The following CDH1 variants were observed in gnomAD, a reference collection of about 807,000 sequenced individuals.
The protein encoded by CDH1 is cadherin-1.
CDH1 carries 35 observed loss-of-function variants against 84.5 expected under a neutral mutation model. The ratio of observed to expected loss-of-function variants is 0.41; its 90% CI spans 0.32 to 0.55. The LOEUF (loss-of-function observed/expected upper bound fraction) is 0.55. CDH1 is among the 20% of genes least tolerant of loss of function. CDH1 has a pLI of 0.19. For synonymous variants in CDH1, 417 were observed against 439.0 expected (o/e 0.95, Z 0.63); for missense variants, 994 against 1,126.6 (o/e 0.88, Z 1.68).
intron 8 of CDH1, 67 bp from the exon 9 acceptor site, chr16:68,813,246 C>G (rs1196719403): frequency 6.8e-7 from 1 of 1,473,638 alleles, no homozygotes. Flanking sequence ...AATCCTTTAG[C>G]CCCCTGAGAC....
chr16:68,750,582 TAGG>T (rs1438348082), intron 2 of CDH1, among the ~76,000 whole-genome samples: 1 of 152,004 alleles, frequency 6.6e-6, no homozygotes, highest in Non-Finnish European at 1.5e-5. Context: ...GCTTTGTAAT[TAGG>T]AGAGCTTGTA....
At chr16:68,784,198 A>T (rs1032963431) in intron 2 of CDH1, among the ~76,000 whole-genome samples, 9 of 150,946 alleles carry the variant, frequency 6.0e-5, no homozygotes, top group Admixed American at 4.0e-4. Context: ...AAATCTATAA[A>T]CATGATCAGA....
Position 68,737,370 on chromosome 16 carries a change from C to T in CDH1, c.-46C>T, listed in dbSNP as rs368210255. Reference sequence around the variant, plus strand: ...CCAGCCCGCTCCAGCCCGGCCCGACCCGACCGCACCCGGCGCCTGCCCTCG... The same window carrying T: ...CCAGCCCGCTCCAGCCCGGCCCGACTCGACCGCACCCGGCGCCTGCCCTCG... On this transcript the variant is annotated 5_prime_UTR_variant, in exon 1 of 16. Transcript: ENST00000261769. 2 of 1,514,020 alleles carry T rather than the reference C, an allele frequency of 1.3e-6. No homozygotes were observed. Among genetic ancestry groups the T allele is most frequent in the Non-Finnish European group, 1.8e-6 (2 of 1,132,142 alleles). 93.8% of individuals were successfully genotyped at this position (1,514,020 alleles called of 1,614,324 possible). A position where few individuals can be genotyped will look rare whatever the true frequency, so the allele number is the denominator to read the frequency against.
At chr16:68,810,954 C>T (rs1020849934) in intron 6 of CDH1, among the ~76,000 whole-genome samples, 1 of 152,084 alleles carries the variant, frequency 6.6e-6, no homozygotes, top group African/African-American at 2.4e-5. Flanking sequence ...AATCCTCCCA[C>T]CTCAGCCCCA....
chr16:68,758,842 G>T (rs1460947702), intron 2 of CDH1, among the ~76,000 whole-genome samples: 1 of 148,844 alleles, frequency 6.7e-6, no homozygotes, highest in Non-Finnish European at 1.5e-5. Context: ...GTCTTGCTCT[G>T]TTGCCCAGAC....
Position 68,801,864 on chromosome 16 carries a change from G to A in CDH1, c.358G>A (p.Gly120Arg), listed in dbSNP as rs751789834. The A allele has an allele frequency of 6.2e-7, 1 of 1,614,114 alleles. No homozygotes were observed. Among genetic ancestry groups the A allele is most frequent in the Non-Finnish European group, 8.5e-7 (1 of 1,180,004 alleles). Reference sequence around the variant, plus strand: ...CACCAAAGTCACGCTGAATACAGTGGGGCACCACCACCGCCCCCCGCCCCA... The same window carrying A: ...CACCAAAGTCACGCTGAATACAGTGAGGCACCACCACCGCCCCCCGCCCCA... ...FSTKVTLNTV[G>R]HHHRPPPHQA... is the part of the protein sequence containing the mutation. The change falls in exon 3 of 16, where the codon GGG becomes AGG. Residue 120 changes from glycine to arginine, a missense_variant. Around this residue, in one of 3 missense-constraint regions of CDH1, gnomAD observed 203 missense variants for 194.0 expected, o/e 1.05. Coordinates refer to ENST00000261769, the MANE Select transcript of CDH1 (RefSeq NM_004360.5).
chr16:68,812,056 G>T (rs1366019585), intron 7 of CDH1, 79 bp from the exon 8 acceptor site: 2 of 1,598,068 alleles, frequency 1.3e-6, no homozygotes, highest in Non-Finnish European at 1.7e-6. Context: ...AAATATTCTG[G>T]TTCCATGTGT....
At chr16:68,795,858 G>A (rs1039280366) in intron 2 of CDH1, among the ~76,000 whole-genome samples, 1 of 151,668 alleles carries the variant, frequency 6.6e-6, no homozygotes, top group Non-Finnish European at 1.5e-5. Flanking sequence ...AAGTTCAAAT[G>A]GTCTTTGAAT....
intron 2 of CDH1, among the ~76,000 whole-genome samples, chr16:68,748,111 CTTTT>C (rs35209843): frequency 8.8e-6 from 1 of 113,146 alleles, no homozygotes; most frequent in East Asian, 2.5e-4. Context: ...AAATTATTTA[CTTTT>C]TTTTTTTTTT....
chr16:68,801,546 T>C (rs997249445), intron 2 of CDH1, 124 bp from the exon 3 acceptor site: 3 of 793,686 alleles, frequency 3.8e-6, no homozygotes, highest in South Asian at 2.7e-5. Context: ...TGTCACCAGA[T>C]TATGGTTTGT....
chr16:68,742,220 C>G (rs1463429660), intron 2 of CDH1, among the ~76,000 whole-genome samples: 2 of 152,120 alleles, frequency 1.3e-5, no homozygotes, highest in Non-Finnish European at 2.9e-5. Flanking sequence ...GGTTTGGCTG[C>G]TTGAGGGGTT....
At chr16:68,823,956 C>T (rs1478457365) in intron 13 of CDH1, among the ~76,000 whole-genome samples, 1 of 150,086 alleles carries the variant, frequency 6.7e-6, no homozygotes, top group Non-Finnish European at 1.5e-5. Flanking sequence ...AAATCTGATC[C>T]AGGAGGTCTG....
At chr16:68,762,133 A>T (rs542491613) in intron 2 of CDH1, among the ~76,000 whole-genome samples, 1 of 152,186 alleles carries the variant, frequency 6.6e-6, no homozygotes, top group East Asian at 1.9e-4. Context: ...ATGGACTCCC[A>T]TTTCCAATGG....
chr16:68,782,628 G>T (rs1260233498), intron 2 of CDH1, among the ~76,000 whole-genome samples: 1 of 152,190 alleles, frequency 6.6e-6, no homozygotes, highest in Non-Finnish European at 1.5e-5. Flanking sequence ...CTTTGAGGGG[G>T]CGTTCAGGAG....
rs1057520826 is a variant in CDH1 at position 68,737,379 on chromosome 16, C to A, written c.-37C>A. ...TCCAGCCCGGCCCGACCCGACCGCA[C>A]CCGGCGCCTGCCCTCGCTCGGCGTC... On this transcript the variant is annotated 5_prime_UTR_variant, in exon 1 of 16. Coordinates refer to ENST00000261769, the MANE Select transcript of CDH1 (RefSeq NM_004360.5). 6.6e-7 allele frequency: 1 copy of A among 1,525,918 alleles called. No individual in the cohort carries two copies. The highest frequency in any genetic ancestry group is 8.8e-7 in the Non-Finnish European group (1 of 1,141,448). 94.5% of individuals were successfully genotyped at this position (1,525,918 alleles called of 1,614,324 possible).
At chr16:68,813,181 C>G in intron 8 of CDH1, 132 bp from the exon 9 acceptor site, 1 of 921,750 alleles carries the variant, frequency 1.1e-6, no homozygotes, top group South Asian at 1.4e-5. Flanking sequence ...CGCTCAAATA[C>G]ACTCCAGCCT....
chr16:68,808,672 T>A (rs2152130011), intron 4 of CDH1, 21 bp from the exon 5 acceptor site: 1 of 1,614,020 alleles, frequency 6.2e-7, no homozygotes, highest in Non-Finnish European at 8.5e-7. Flanking sequence ...ACTAATTCTT[T>A]TTCTTTCATT....
chr16:68,826,838 T>A (rs1482848599), intron 13 of CDH1, among the ~76,000 whole-genome samples: 1 of 152,196 alleles, frequency 6.6e-6, no homozygotes, highest in East Asian at 1.9e-4. Flanking sequence ...CAATTCAGTG[T>A]TCTTGTTGAT....
intron 2 of CDH1, among the ~76,000 whole-genome samples, chr16:68,738,956 TTTTTTTTTA>T (rs1408592844): frequency 9.8e-6 from 1 of 101,636 alleles, no homozygotes; most frequent in African/African-American, 3.8e-5. Flanking sequence ...TTTTTTTTTT[TTTTTTTTTA>T]AAGACAGGGT....
Sources: gnomAD v4.1 joint callset for allele counts (sites outside exome capture counted in the v4.1 genomes callset) on GRCh38, gnomAD v4.1.1 for gene constraint, gnomAD v4.1.1 regional missense constraint, MANE v1.5 for transcripts, NCBI Gene and HGNC (gene_info 2026-07-23, HGNC 2026-07-21) for gene names.